Variants in SLC16A12 observed in about 807,000 individuals in gnomAD.
The protein encoded by SLC16A12 is monocarboxylate transporter 12.
A neutral mutation model predicts 42.4 loss-of-function variants in SLC16A12; 17 were observed. The ratio of observed to expected loss-of-function variants is 0.40; its 90% CI spans 0.27 to 0.60. The LOEUF (loss-of-function observed/expected upper bound fraction) is 0.60. Among genes scored for constraint, SLC16A12 ranks in the 20% least tolerant of loss-of-function variants. SLC16A12 has a pLI of 0.42. For missense variants in SLC16A12, 544 were observed against 623.0 expected (o/e 0.87, Z 1.35); for synonymous variants, 224 against 229.4 (o/e 0.98, Z 0.21).
chr10:89,553,608 AT>A (rs1413441408), intron 2 of SLC16A12, among the ~76,000 whole-genome samples: 1 of 152,204 alleles, frequency 6.6e-6, no homozygotes, highest in Non-Finnish European at 1.5e-5. Flanking sequence ...TCATTACCTT[AT>A]CTGTAAAATT....
At chr10:89,551,461 A>G (rs1390390938) in intron 2 of SLC16A12, among the ~76,000 whole-genome samples, 1 of 152,124 alleles carries the variant, frequency 6.6e-6, no homozygotes, top group Admixed American at 6.6e-5. Context: ...TAAATAAATA[A>G]AAAGTCCCAA....
At chr10:89,505,075 T>G (rs892693049) in intron 2 of SLC16A12, among the ~76,000 whole-genome samples, 1 of 152,154 alleles carries the variant, frequency 6.6e-6, no homozygotes, top group Non-Finnish European at 1.5e-5. Context: ...TTATACATAA[T>G]TGATGCAGAA....
Position 89,472,556 on chromosome 10 carries a change from G to A in SLC16A12, c.-46-9932C>T, listed in dbSNP as rs1294601053. ...TGCCCAGGCTGGAGTGCAGTGGGGC[G>A]ATCTCGGCTCACTATAACCTCCACC... On this transcript the variant is annotated intron_variant, in intron 2 of 7. Transcript: ENST00000371790. Among the ~76,000 whole-genome samples, 6 of 141,188 alleles carry A rather than the reference G, an allele frequency of 4.2e-5. No homozygotes were observed. The South Asian group carries it at 1.1e-3, about 27-fold the overall frequency. The allele number at this position is 141,188 out of a possible 152,430, so 92.6% of individuals were successfully genotyped here. A position where few individuals can be genotyped will look rare whatever the true frequency, so the allele number is the denominator to read the frequency against.
At chr10:89,488,200 A>G (rs2133801928) in intron 2 of SLC16A12, among the ~76,000 whole-genome samples, 1 of 152,166 alleles carries the variant, frequency 6.6e-6, no homozygotes, top group Admixed American at 6.5e-5. Context: ...TATCCATATA[A>G]GAAACCTGCA....
chr10:89,522,789 A>C lies in SLC16A12; in HGVS notation c.-47+11712T>G, dbSNP rs565520744. On this transcript the variant is annotated intron_variant, in intron 2 of 7. Transcript: ENST00000371790. ...TTAGTTACCTCAATTGTAAATTAAG[A>C]CAATTCCATCTTCAAAAGGTTGTGG... 6.6e-5 allele frequency among the ~76,000 whole-genome samples: 10 copies of C among 152,362 alleles called. No individual in the cohort carries two copies. The South Asian group carries it at 1.4e-3, about 22-fold the overall frequency.
chr10:89,442,374 C>A (rs149954620), intron 4 of SLC16A12, among the ~76,000 whole-genome samples: 35 of 152,288 alleles, frequency 2.3e-4, no homozygotes, highest in Non-Finnish European at 4.3e-4. Flanking sequence ...TTGCTTCTGA[C>A]ATAACCCTAC....
In SLC16A12 at chr10:89,438,879, C is replaced by G; in HGVS notation, c.753G>C (p.Arg251=). 2.5e-6 allele frequency: 4 copies of G among 1,612,392 alleles called. No homozygotes were observed. The highest frequency in any genetic ancestry group is 3.4e-6 in the Non-Finnish European group (4 of 1,179,364). Residue 251 remains arginine (R), a synonymous_variant, in exon 6 of 8, where the codon CGG becomes CGC. Coordinates refer to ENST00000371790, the MANE Select transcript of SLC16A12 (RefSeq NM_213606.4). ...VCRTQKEDIK[R]VSPYSSLTKE... Reference sequence around the variant, plus strand: ...TGGTCAAAGATGAATAGGGAGACACCCGCTTAATGTCTTCTTTCTGAGTTC... The same window carrying G: ...TGGTCAAAGATGAATAGGGAGACACGCGCTTAATGTCTTCTTTCTGAGTTC...
intron 4 of SLC16A12, among the ~76,000 whole-genome samples, chr10:89,442,777 T>C (rs1034788378): frequency 6.6e-6 from 1 of 152,186 alleles, no homozygotes. Context: ...ATTTAACTGA[T>C]TCATGAGTAA....
upstream of SLC16A12, among the ~76,000 whole-genome samples, chr10:89,537,139 AG>A (rs889903532): frequency 1.5e-5 from 2 of 133,616 alleles, no homozygotes; most frequent in Non-Finnish European, 3.2e-5. Context: ...AAGGCACCGT[AG>A]GTATGTTTTT....
intron 2 of SLC16A12, among the ~76,000 whole-genome samples, chr10:89,498,708 T>C (rs1183407172): frequency 6.6e-6 from 1 of 152,084 alleles, no homozygotes; most frequent in African/African-American, 2.4e-5. Context: ...ACAGACCCTC[T>C]GAAGGAGGTG....
chr10:89,478,089 A>G (rs974048822), intron 2 of SLC16A12, among the ~76,000 whole-genome samples: 1 of 152,178 alleles, frequency 6.6e-6, no homozygotes, highest in African/African-American at 2.4e-5. Flanking sequence ...CATCAAGTAG[A>G]ACTTAATAAA....
upstream of SLC16A12, among the ~76,000 whole-genome samples, chr10:89,538,747 T>C (rs1843695267): frequency 2.6e-5 from 4 of 152,212 alleles, no homozygotes. Flanking sequence ...ATATTAATCC[T>C]TATTAGTATT....
chr10:89,456,710 C>T (rs534343503), intron 3 of SLC16A12, among the ~76,000 whole-genome samples: 6 of 152,080 alleles, frequency 3.9e-5, no homozygotes, highest in Admixed American at 1.3e-4. Context: ...CCCACTCCCC[C>T]ACCCCGACAG....
chr10:89,468,879 C>T (rs916729178), intron 2 of SLC16A12, among the ~76,000 whole-genome samples: 1 of 152,094 alleles, frequency 6.6e-6, no homozygotes, highest in African/African-American at 2.4e-5. Context: ...CCTGTAATCC[C>T]AGCACTTTTG....
chr10:89,435,312 T>G (rs1402008992), intron 7 of SLC16A12, among the ~76,000 whole-genome samples: 2 of 152,214 alleles, frequency 1.3e-5, no homozygotes, highest in African/African-American at 4.8e-5. Context: ...ATTTCCTTAT[T>G]TTCTCAACCA....
At chr10:89,503,949 G>A (rs1843023966) in intron 2 of SLC16A12, among the ~76,000 whole-genome samples, 1 of 152,174 alleles carries the variant, frequency 6.6e-6, no homozygotes, top group Non-Finnish European at 1.5e-5. Flanking sequence ...AAGTCTGCAA[G>A]AAATCAGCAC....
chr10:89,450,309 A>C (rs567788571), intron 3 of SLC16A12, among the ~76,000 whole-genome samples: 1 of 152,370 alleles, frequency 6.6e-6, no homozygotes, highest in South Asian at 2.1e-4. Flanking sequence ...ACACATGTGC[A>C]CGTATGTTTA....
At chr10:89,490,537 T>C (rs548843065) in intron 2 of SLC16A12, among the ~76,000 whole-genome samples, 1 of 152,280 alleles carries the variant, frequency 6.6e-6, no homozygotes, top group South Asian at 2.1e-4. Flanking sequence ...TCTTTACTTA[T>C]GTTTACTGGT....
chr10:89,486,370 A>T (rs1842740834), intron 2 of SLC16A12, among the ~76,000 whole-genome samples: 1 of 152,118 alleles, frequency 6.6e-6, no homozygotes, highest in African/African-American at 2.4e-5. Context: ...TTAAATTTAC[A>T]GAGTCAAATA....
Sources: gnomAD v4.1 joint callset for allele counts (sites outside exome capture counted in the v4.1 genomes callset) on GRCh38, gnomAD v4.1.1 for gene constraint, MANE v1.5 for transcripts, NCBI Gene and HGNC (gene_info 2026-07-23, HGNC 2026-07-21) for gene names.